DLGAP2: variants seen among roughly 807,000 people sequenced by gnomAD.
DLGAP2 encodes the protein DLG associated protein 2.
Under a neutral mutation model 100.3 loss-of-function variants are expected in DLGAP2, and 26 were observed. That is an observed-to-expected ratio of 0.26 (90% confidence interval 0.19 to 0.36). DLGAP2 has a LOEUF of 0.36. Ranked by LOEUF, DLGAP2 falls within the 10% of genes least tolerant of loss-of-function variation. The pLI is 1.00. For synonymous variants in DLGAP2, 886 were observed against 630.1 expected, an observed-to-expected ratio of 1.41 and a Z score of -6.08; for missense variants, 1,858 against 1,453.2, an observed-to-expected ratio of 1.28 and a Z score of -4.53.
At chr8:987,380 C>T (rs1335980082) in intron 2 of DLGAP2, among the ~76,000 whole-genome samples, 1 of 152,166 alleles carries the variant, frequency 6.6e-6, no homozygotes, top group African/African-American at 2.4e-5. Context: ...GCTTGCACAC[C>T]TGTAGAAATC....
chr8:771,825 G>A lies in DLGAP2; in HGVS notation c.18+34000G>A, dbSNP rs569697499. Among the ~76,000 whole-genome samples, 15 of 152,346 alleles carry A rather than the reference G, an allele frequency of 9.8e-5. No homozygotes were observed. The South Asian group carries it at 2.5e-3, about 25-fold the overall frequency. On this transcript the variant is annotated intron_variant, in intron 1 of 14. Coordinates refer to ENST00000637795, the MANE Select transcript of DLGAP2 (RefSeq NM_001346810.2). ...AGTGGCACATATAGAATAAACAATG[G>A]AAAGGGCAGTGTGGAGCGTGTCCTT... is the stretch of plus-strand genomic sequence containing the variant.
At chr8:751,627 T>C (rs916249974) in intron 1 of DLGAP2, among the ~76,000 whole-genome samples, 4 of 88,276 alleles carry the variant, frequency 4.5e-5, no homozygotes, top group Non-Finnish European at 1.4e-4. Flanking sequence ...AGTAAGTCCT[T>C]ATAGGAAGTT....
intron 6 of DLGAP2, among the ~76,000 whole-genome samples, chr8:1,585,928 T>C (rs985910608): frequency 1.3e-5 from 2 of 152,192 alleles, no homozygotes; most frequent in Non-Finnish European, 2.9e-5. Context: ...CCGGACACTT[T>C]CGTGTGTGTA....
At chr8:951,104 G>A (rs1042380884) in intron 2 of DLGAP2, among the ~76,000 whole-genome samples, 1 of 151,940 alleles carries the variant, frequency 6.6e-6, no homozygotes, top group Non-Finnish European at 1.5e-5. Flanking sequence ...ACTTAACATT[G>A]TATTGCCAAT....
intron 4 of DLGAP2, among the ~76,000 whole-genome samples, chr8:1,519,094 G>A (rs1489093387): frequency 6.6e-6 from 1 of 152,142 alleles, no homozygotes; most frequent in Non-Finnish European, 1.5e-5. Context: ...GTCCAGGAAG[G>A]GATACGAAGG....
intron 1 of DLGAP2, among the ~76,000 whole-genome samples, chr8:813,276 C>T (rs1247280495): frequency 6.6e-6 from 1 of 151,160 alleles, no homozygotes; most frequent in Non-Finnish European, 1.5e-5. Flanking sequence ...AAAAAAAAAC[C>T]AAAATGCTGA....
At chr8:1,612,470 C>A (rs1797011711) in intron 6 of DLGAP2, among the ~76,000 whole-genome samples, 1 of 144,078 alleles carries the variant, frequency 6.9e-6, no homozygotes, top group African/African-American at 2.6e-5. Flanking sequence ...CCATTCAGGA[C>A]ATAGGCATGG....
chr8:822,290 G>T, intron 1 of DLGAP2: 2 of 399,176 alleles, frequency 5.0e-6, no homozygotes, highest in Non-Finnish European at 8.8e-6. Flanking sequence ...GCTCCACCCG[G>T]GGAGGGGCAC....
intron 4 of DLGAP2, among the ~76,000 whole-genome samples, chr8:1,505,982 TTA>T (rs749440511): frequency 6.6e-6 from 1 of 152,218 alleles, no homozygotes; most frequent in Non-Finnish European, 1.5e-5. Flanking sequence ...TAAGCACATA[TTA>T]TATATGCAGC....
At chr8:763,061 T>C (rs1021913291) in intron 1 of DLGAP2, among the ~76,000 whole-genome samples, 3 of 150,600 alleles carry the variant, frequency 2.0e-5, no homozygotes, top group East Asian at 3.9e-4. Context: ...CAAAGAGGGA[T>C]TGGAGAAAAA....
At chr8:986,431 C>A (rs561037813) in intron 2 of DLGAP2, among the ~76,000 whole-genome samples, 3 of 152,136 alleles carry the variant, frequency 2.0e-5, no homozygotes, top group Non-Finnish European at 4.4e-5. Context: ...TTTCTCTAGA[C>A]ATTTTAGTAT....
intron 2 of DLGAP2, among the ~76,000 whole-genome samples, chr8:1,247,295 G>C (rs137864782): frequency 0.021 from 1,462 of 70,380 alleles, 57 homozygotes; most frequent in South Asian, 0.041. Context: ...CGGTGGCTGG[G>C]AAGACCATTG....
At chr8:872,819 G>A (rs866255575) in intron 1 of DLGAP2, among the ~76,000 whole-genome samples, 7 of 152,226 alleles carry the variant, frequency 4.6e-5, no homozygotes, top group South Asian at 2.1e-4. Context: ...CACCCTCTCT[G>A]TCCTCCACCC....
At chr8:1,333,917 C>T (rs1208460269) in intron 3 of DLGAP2, among the ~76,000 whole-genome samples, 1 of 152,248 alleles carries the variant, frequency 6.6e-6, no homozygotes, top group African/African-American at 2.4e-5. Flanking sequence ...ATCTGAGGCT[C>T]AGCCCTGGGC....
intron 3 of DLGAP2, among the ~76,000 whole-genome samples, chr8:1,352,768 G>T (rs1213371133): frequency 4.6e-5 from 7 of 152,096 alleles, no homozygotes; most frequent in African/African-American, 1.7e-4. Context: ...TTCTGAGGTT[G>T]GTACTTTTCC....
chr8:1,021,491 A>G (rs1244976990), intron 2 of DLGAP2, among the ~76,000 whole-genome samples: 1 of 152,134 alleles, frequency 6.6e-6, no homozygotes, highest in Non-Finnish European at 1.5e-5. Flanking sequence ...GCATTTTTGG[A>G]CCAATTATGG....
intron 3 of DLGAP2, among the ~76,000 whole-genome samples, chr8:1,267,123 C>T (rs970991605): frequency 1.3e-5 from 2 of 151,242 alleles, no homozygotes; most frequent in African/African-American, 4.9e-5. Context: ...TCCCAGCTAC[C>T]CCTGAGACTG....
chr8:847,656 G>A (rs1326869630), intron 1 of DLGAP2, among the ~76,000 whole-genome samples: 4 of 151,942 alleles, frequency 2.6e-5, no homozygotes, highest in Admixed American at 6.6e-5. Context: ...ATAGGCGCAC[G>A]CAACCACACC....
rs977596271 is a variant in DLGAP2 at position 1,684,944 on chromosome 8, G to A, written c.2704+6315G>A. Among the ~76,000 whole-genome samples, 9 of 152,062 alleles carry A rather than the reference G, an allele frequency of 5.9e-5. No individual in the cohort carries two copies. In the East Asian group the frequency reaches 7.7e-4, roughly 13 times the overall value. ...TTCCTTGCCCCAAATGACTCCTCCC[G>A]AAGTAACGAATAACCTACATGTTCA... On this transcript the variant is annotated intron_variant, in intron 12 of 14. Coordinates refer to ENST00000637795, the MANE Select transcript of DLGAP2 (RefSeq NM_001346810.2).
Sources: gnomAD v4.1 joint callset for allele counts (sites outside exome capture counted in the v4.1 genomes callset) on GRCh38, gnomAD v4.1.1 for gene constraint, MANE v1.5 for transcripts, NCBI Gene and HGNC (gene_info 2026-07-23, HGNC 2026-07-21) for gene names.